SYT12: variants seen among roughly 807,000 people sequenced by gnomAD.
The protein encoded by SYT12 is synaptotagmin-12.
Under a neutral mutation model 39.5 loss-of-function variants are expected in SYT12, and 27 were observed. That is an observed-to-expected ratio of 0.68 (90% confidence interval 0.50 to 0.94). The LOEUF is 0.94. SYT12 is among the 40% of genes least tolerant of loss of function. The pLI is 0.00. For missense variants in SYT12, 536 were observed against 572.6 expected, an observed-to-expected ratio of 0.94 and a Z score of 0.65; for synonymous variants, 233 against 239.7, an observed-to-expected ratio of 0.97 and a Z score of 0.26.
At chr11:67,017,625 G>A (rs1238113941) in intron 3 of SYT12, among the ~76,000 whole-genome samples, 1 of 151,402 alleles carries the variant, frequency 6.6e-6, no homozygotes, top group Non-Finnish European at 1.5e-5. Flanking sequence ...CTCCCAGAGT[G>A]CTGGTATTAC....
chr11:67,047,578 T>C (rs1854597661), intron 7 of SYT12, among the ~76,000 whole-genome samples: 1 of 150,292 alleles, frequency 6.7e-6, no homozygotes, highest in African/African-American at 2.4e-5. Flanking sequence ...AGAACAAATA[T>C]TATCATCACC....
At chr11:67,017,783 A>C (rs1950069670) in intron 3 of SYT12, among the ~76,000 whole-genome samples, 1 of 151,306 alleles carries the variant, frequency 6.6e-6, no homozygotes, top group African/African-American at 2.4e-5. Context: ...AACATGGTGA[A>C]ACCCCGTCTC....
chr11:67,048,105 T>C (rs1464367758), intron 7 of SYT12, among the ~76,000 whole-genome samples: 1 of 149,918 alleles, frequency 6.7e-6, no homozygotes, highest in Non-Finnish European at 1.5e-5. Flanking sequence ...CCCCCATCTC[T>C]ACTAAAAATA....
At chr11:67,042,873 G>A (rs567156462) in intron 4 of SYT12, among the ~76,000 whole-genome samples, 7 of 152,278 alleles carry the variant, frequency 4.6e-5, no homozygotes, top group South Asian at 2.1e-4. Context: ...CATGGTGGCC[G>A]GTGGCGCTGG....
At chr11:67,034,980 T>A in intron 3 of SYT12, 142 bp downstream of exon 3, 1 of 419,006 alleles carries the variant, frequency 2.4e-6, no homozygotes, top group Non-Finnish European at 4.1e-6. Context: ...TAGACCTCCC[T>A]CTTCCCCTTT....
chr11:67,044,510 C>G (rs1430483470), intron 5 of SYT12, 83 bp from the exon 6 acceptor site: 8 of 1,541,724 alleles, frequency 5.2e-6, no homozygotes, highest in Non-Finnish European at 7.0e-6. Flanking sequence ...GAAGCCCCAG[C>G]CTTTCCCTGG....
chr11:67,034,791 T>C lies in SYT12; in HGVS notation c.181T>C (p.Tyr61His). 6.3e-7 allele frequency: 1 copy of C among 1,593,016 alleles called. No homozygotes were observed. The highest frequency in any genetic ancestry group is 1.4e-5 in the African/African-American group (1 of 73,472). Residue 61 changes from tyrosine to histidine, a missense_variant, in exon 3 of 8, where the codon TAC becomes CAC. Transcript: ENST00000527043. ...PSPFPNYDYR[Y>H]LQQKYGESCA... ...TCCGTTCCCCAATTACGACTACAGGTACCTTCAGCAGAAGTACGGCGAGAG... is the reference window on the plus strand; with the variant it reads ...TCCGTTCCCCAATTACGACTACAGGCACCTTCAGCAGAAGTACGGCGAGAG...
chr11:67,037,083 T>C (rs542639475), intron 3 of SYT12, among the ~76,000 whole-genome samples: 22 of 151,218 alleles, frequency 1.5e-4, no homozygotes, highest in Admixed American at 7.9e-4. Context: ...TCAAACAAAA[T>C]AAAACAAAAC....
chr11:67,044,674 G>A lies in SYT12; in HGVS notation c.919G>A (p.Ala307Thr). ...GCGCCTCACCGTGGTCGTGGTTAAG[G>A]CCAAGAACCTCATCTGGACCAACGA... ...AERLTVVVVK[A>T]KNLIWTNDKT... Residue 307 changes from alanine (A) to threonine (T), a missense_variant, in exon 6 of 8, where the codon GCC (alanine) becomes ACC (threonine). By Grantham distance (58) the Ala-to-Thr change is moderately conservative. Coordinates refer to ENST00000527043, the MANE Select transcript of SYT12 (RefSeq NM_177963.4). 1 of 1,613,750 alleles carries A rather than the reference G, an allele frequency of 6.2e-7. No homozygotes were observed. Among genetic ancestry groups the A allele is most frequent in the Non-Finnish European group, 8.5e-7 (1 of 1,179,998 alleles).
chr11:67,024,184 G>T (rs2136202462), intron 1 of SYT12, among the ~76,000 whole-genome samples: 1 of 152,354 alleles, frequency 6.6e-6, no homozygotes, highest in Non-Finnish European at 1.5e-5. Context: ...GAGACTGTGT[G>T]CACCCTCCTC....
intron 3 of SYT12, among the ~76,000 whole-genome samples, 164 bp downstream of exon 3, chr11:67,035,002 CTTTTTT>C (rs11316433): frequency 1.8e-5 from 2 of 112,096 alleles, no homozygotes; most frequent in East Asian, 2.5e-4. Flanking sequence ...ACATCTTCAA[CTTTTTT>C]TTTTTTTTTT....
At chr11:67,032,508 C>A (rs1950288783) in intron 2 of SYT12, 1 of 152,254 alleles carries the variant, frequency 6.6e-6, no homozygotes, top group East Asian at 1.9e-4. Context: ...GCCTGGAAGC[C>A]AAGGTACCGG....
chr11:67,044,527 A>G lies in SYT12; in HGVS notation c.838-66A>G, dbSNP rs1037632378. On this transcript the variant is annotated intron_variant, in intron 5 of 7. Transcript: ENST00000527043. Reference sequence around the variant, plus strand: ...AGCCCCAGCCTTTCCCTGGCAACCAAGGCTTTCCCTGGACCCCTCAAGTCG... The same window carrying G: ...AGCCCCAGCCTTTCCCTGGCAACCAGGGCTTTCCCTGGACCCCTCAAGTCG... The G allele has an allele frequency of 7.0e-6, 11 of 1,563,980 alleles. No individual in the cohort carries two copies. In the African/African-American group the frequency reaches 1.4e-4, roughly 19 times the overall value.
intron 2 of SYT12, among the ~76,000 whole-genome samples, chr11:67,033,157 C>T (rs886353174): frequency 2.0e-5 from 3 of 152,010 alleles, no homozygotes; most frequent in Non-Finnish European, 2.9e-5. Flanking sequence ...CTCCCTCCCC[C>T]GGCCACTCTG....
chr11:67,008,843 G>A (rs1949991082), intron 1 of SYT12, among the ~76,000 whole-genome samples: 1 of 150,758 alleles, frequency 6.6e-6, no homozygotes, highest in Non-Finnish European at 1.5e-5. Flanking sequence ...CACCCAGCCT[G>A]GCTACATTTC....
rs768276638 is a variant in SYT12 at position 67,044,644 on chromosome 11, G to A, written c.889G>A (p.Ala297Thr). 1.2e-6 allele frequency: 2 copies of A among 1,613,468 alleles called. No individual in the cohort carries two copies. The highest frequency in any genetic ancestry group is 1.7e-6 in the Non-Finnish European group (2 of 1,180,004). The change falls in exon 6 of 8, where the codon GCC becomes ACC. Residue 297 changes from alanine (A) to threonine (T), a missense_variant. Coordinates refer to ENST00000527043, the MANE Select transcript of SYT12 (RefSeq NM_177963.4). The part of the protein sequence containing the change: ...ILLSLSYLPT[A>T]ERLTVVVVKA... Reference sequence around the variant, plus strand: ...GCTCTCCCTCAGCTACCTCCCCACAGCCGAGCGCCTCACCGTGGTCGTGGT... The same window carrying A: ...GCTCTCCCTCAGCTACCTCCCCACAACCGAGCGCCTCACCGTGGTCGTGGT...
At chr11:67,022,897 A>C (rs1950127776), upstream of SYT12, 1 of 152,140 alleles carries the variant, frequency 6.6e-6, no homozygotes, top group African/African-American at 2.4e-5. Flanking sequence ...TGGCTCCCGG[A>C]GGTGCGCAGT....
At chr11:67,040,556 G>C (rs542579417) in intron 4 of SYT12, among the ~76,000 whole-genome samples, 49 of 152,276 alleles carry the variant, frequency 3.2e-4, no homozygotes, top group Non-Finnish European at 6.5e-4. Flanking sequence ...TAACAGGACT[G>C]GGGCTGGTTG....
At chr11:67,028,165 A>G (rs1817368986) in intron 1 of SYT12, 1 of 152,146 alleles carries the variant, frequency 6.6e-6, no homozygotes, top group African/African-American at 2.4e-5. Flanking sequence ...AATAGTACCT[A>G]CCTCATGGGG....
Sources: gnomAD v4.1 joint callset for allele counts (sites outside exome capture counted in the v4.1 genomes callset) on GRCh38, gnomAD v4.1.1 for gene constraint, MANE v1.5 for transcripts, NCBI Gene and HGNC (gene_info 2026-07-23, HGNC 2026-07-21) for gene names.